Variants in EFNA5 observed in about 807,000 individuals in gnomAD.
EFNA5 encodes ephrin A5.
EFNA5 carries 5 observed loss-of-function variants against 22.9 expected under a neutral mutation model. The ratio of observed to expected loss-of-function variants is 0.22; its 90% confidence interval spans 0.11 to 0.46. The LOEUF (loss-of-function observed/expected upper bound fraction) is 0.46, where lower values mean the gene tolerates loss of function less well. Among genes scored for constraint, EFNA5 ranks in the 20% least tolerant of loss-of-function variants. The pLI, the probability that EFNA5 is intolerant of heterozygous loss-of-function variation, is 0.99. For synonymous variants in EFNA5, 113 were observed against 112.2 expected (o/e 1.01, Z -0.04); for missense variants, 237 against 293.3 (o/e 0.81, Z 1.40).
At chr5:107,659,529 T>C (rs1561462617) in intron 1 of EFNA5, among the ~76,000 whole-genome samples, 1 of 150,846 alleles carries the variant, frequency 6.6e-6, no homozygotes, top group Non-Finnish European at 1.5e-5. Context: ...TTCCTTTTCT[T>C]TCTCAAATCT....
At chr5:107,463,159 C>T (rs1749879692) in intron 1 of EFNA5, among the ~76,000 whole-genome samples, 1 of 152,134 alleles carries the variant, frequency 6.6e-6, no homozygotes, top group Non-Finnish European at 1.5e-5. Flanking sequence ...AATCTAACCA[C>T]AACCATTCTC....
intron 1 of EFNA5, among the ~76,000 whole-genome samples, chr5:107,547,338 A>C (rs1431207112): frequency 6.6e-6 from 1 of 152,148 alleles, no homozygotes; most frequent in Non-Finnish European, 1.5e-5. Context: ...TTTGAGAGGA[A>C]AATCAAGATG....
chr5:107,560,212 G>A (rs1243815507), intron 1 of EFNA5, among the ~76,000 whole-genome samples: 7 of 152,140 alleles, frequency 4.6e-5, no homozygotes, highest in South Asian at 2.1e-4. Context: ...TTTACATAAT[G>A]CTTATCAGCC....
chr5:107,553,115 G>C (rs938114257), intron 1 of EFNA5, among the ~76,000 whole-genome samples: 3 of 152,078 alleles, frequency 2.0e-5, no homozygotes, highest in African/African-American at 7.2e-5. Context: ...AAGAAAGAAA[G>C]AGTGACAGGG....
intron 1 of EFNA5, among the ~76,000 whole-genome samples, chr5:107,582,680 C>A (rs181954270): frequency 6.6e-6 from 1 of 151,826 alleles, no homozygotes; most frequent in Non-Finnish European, 1.5e-5. Context: ...TTTCATCAAG[C>A]CCCAAAAGTA....
At chr5:107,616,471 C>T (rs1019840604) in intron 1 of EFNA5, among the ~76,000 whole-genome samples, 5 of 152,024 alleles carry the variant, frequency 3.3e-5, no homozygotes, top group African/African-American at 4.8e-5. Context: ...AATCCCAAGG[C>T]TGAATAAACC....
Position 107,433,338 on chromosome 5 carries a change from C to T in EFNA5, c.126-5829G>A, listed in dbSNP as rs114605762. Reference sequence around the variant, plus strand: ...GTTAATTTAGGAAAATAAAATTCAGCATGGCAACTAGTCCTTTGCAATCAT... The same window carrying T: ...GTTAATTTAGGAAAATAAAATTCAGTATGGCAACTAGTCCTTTGCAATCAT... On this transcript the variant is annotated intron_variant, in intron 1 of 4. Coordinates refer to ENST00000333274, the MANE Select transcript of EFNA5 (RefSeq NM_001962.3). 6.6e-3 allele frequency among the ~76,000 whole-genome samples: 1,011 copies of T among 152,250 alleles called. 13 individuals are homozygous for T. The highest frequency in any genetic ancestry group is 0.023 in the African/African-American group (943 of 41,544).
At chr5:107,542,006 T>C (rs917879603) in intron 1 of EFNA5, among the ~76,000 whole-genome samples, 3 of 152,260 alleles carry the variant, frequency 2.0e-5, no homozygotes, top group East Asian at 1.9e-4. Context: ...GCAAATGATA[T>C]AGAAAAAAAA....
rs1747420193 is a variant in EFNA5 at position 107,380,564 on chromosome 5, C to G, written c.*691G>C. On this transcript the variant is annotated 3_prime_UTR_variant, in exon 5 of 5. Coordinates refer to ENST00000333274, the MANE Select transcript of EFNA5 (RefSeq NM_001962.3). ...ACCTGCTCTGTATTAGCATTCCACA[C>G]CCAACCTGCCTCCTAGAAAAAAAAA... 1 of 352,260 alleles carries G rather than the reference C, an allele frequency of 2.8e-6. No homozygotes were observed. The highest frequency in any genetic ancestry group is 4.9e-5 in the Admixed American group (1 of 20,508). 21.8% of individuals were successfully genotyped at this position (352,260 alleles called of 1,614,324 possible).
At chr5:107,574,103 A>G (rs1343338606) in intron 1 of EFNA5, among the ~76,000 whole-genome samples, 1 of 152,232 alleles carries the variant, frequency 6.6e-6, no homozygotes, top group Non-Finnish European at 1.5e-5. Flanking sequence ...CTACTATTTT[A>G]TTTCAAGTAT....
At chr5:107,523,861 T>C (rs1747644377) in intron 1 of EFNA5, among the ~76,000 whole-genome samples, 1 of 152,258 alleles carries the variant, frequency 6.6e-6, no homozygotes, top group Admixed American at 6.5e-5. Context: ...CTGTAGATTA[T>C]TATTTGCAAT....
chr5:107,570,708 T>C (rs564576663), intron 1 of EFNA5, among the ~76,000 whole-genome samples: 12 of 152,184 alleles, frequency 7.9e-5, no homozygotes, highest in Non-Finnish European at 1.8e-4. Context: ...GGACAGCAAG[T>C]AAATCTCAGT....
chr5:107,622,915 G>C (rs977913813), intron 1 of EFNA5, among the ~76,000 whole-genome samples: 26 of 150,898 alleles, frequency 1.7e-4, no homozygotes, highest in Non-Finnish European at 1.6e-4. Context: ...CAGCTACTCG[G>C]GAGGCTGAGG....
chr5:107,474,914 T>C (rs1382007247), intron 1 of EFNA5, among the ~76,000 whole-genome samples: 2 of 152,244 alleles, frequency 1.3e-5, no homozygotes, highest in African/African-American at 4.8e-5. Flanking sequence ...ATTCAAGGCC[T>C]ATACAATTTA....
chr5:107,482,362 T>TAA (rs1222559277), intron 1 of EFNA5, among the ~76,000 whole-genome samples: 1 of 152,148 alleles, frequency 6.6e-6, no homozygotes, highest in African/African-American at 2.4e-5. Context: ...ACTTATCTGT[T>TAA]ATTTAAGACT....
intron 1 of EFNA5, among the ~76,000 whole-genome samples, chr5:107,474,376 A>C (rs1750223602): frequency 6.6e-6 from 1 of 152,126 alleles, no homozygotes; most frequent in African/African-American, 2.4e-5. Flanking sequence ...ATAATATTTT[A>C]CAGATTGTTT....
At chr5:107,549,893 A>G (rs1331934770) in intron 1 of EFNA5, among the ~76,000 whole-genome samples, 1 of 152,232 alleles carries the variant, frequency 6.6e-6, no homozygotes, top group Non-Finnish European at 1.5e-5. Flanking sequence ...ACCCATGCAG[A>G]AATAGCACCT....
chr5:107,596,409 G>A (rs1188877560), intron 1 of EFNA5, among the ~76,000 whole-genome samples: 2 of 151,984 alleles, frequency 1.3e-5, no homozygotes, highest in Non-Finnish European at 2.9e-5. Flanking sequence ...ATAATTTCCT[G>A]AAGGCTCATT....
intron 2 of EFNA5, among the ~76,000 whole-genome samples, chr5:107,420,740 T>C (rs1466043218): frequency 6.6e-6 from 1 of 152,148 alleles, no homozygotes; most frequent in Non-Finnish European, 1.5e-5. Context: ...AAAAAATTAA[T>C]TGGTTTTTTG....
Sources: gnomAD v4.1 joint callset for allele counts (sites outside exome capture counted in the v4.1 genomes callset) on GRCh38, gnomAD v4.1.1 for gene constraint, MANE v1.5 for transcripts, NCBI Gene and HGNC (gene_info 2026-07-23, HGNC 2026-07-21) for gene names.